Variants in C16orf89 observed in about 807,000 individuals in gnomAD.
The protein encoded by C16orf89 is UPF0764 protein C16orf89.
Under a neutral mutation model 41.5 loss-of-function variants are expected in C16orf89, and 57 were observed. The observed-to-expected ratio is 1.38, with a 90% CI of 1.11 to 1.71. C16orf89 has a LOEUF of 1.71. Ranked by LOEUF, C16orf89 falls within the 40% of genes most tolerant of loss-of-function variation. C16orf89 has a pLI of 0.00. For missense variants in C16orf89, 575 were observed against 445.9 expected (o/e 1.29, Z -2.61); for synonymous variants, 223 against 190.6 (o/e 1.17, Z -1.40).
At position 5,065,880 on chromosome 16, in the gene C16orf89, A is replaced by G. The variant is rs1257218876; in HGVS notation, c.29T>C (p.Leu10Pro). 5 of 1,614,066 alleles carry G rather than the reference A, an allele frequency of 3.1e-6. No homozygotes were observed. The highest frequency in any genetic ancestry group is 4.2e-6 in the Non-Finnish European group (5 of 1,179,986). The change falls in exon 1 of 8, where the codon CTC becomes CCC. Residue 10 changes from leucine (L) to proline (P), a missense_variant. Physicochemically the swap from Leu to Pro is moderately conservative, Grantham distance 98. Coordinates refer to ENST00000472572, the MANE Select transcript of C16orf89 (RefSeq NM_001098514.3). ...CAGCGGTGGCAGTGCTGTCAGTAAGAGCAGGAGCAGCAGCCCCAGGCTGGC... is the reference window on the plus strand; with the variant it reads ...CAGCGGTGGCAGTGCTGTCAGTAAGGGCAGGAGCAGCAGCCCCAGGCTGGC... MASLGLLLL[L>P]LLTALPPLWS...
At chr16:5,048,381 A>C (rs944551019) in intron 6 of C16orf89, among the ~76,000 whole-genome samples, 9 of 152,134 alleles carry the variant, frequency 5.9e-5, no homozygotes, top group Non-Finnish European at 1.2e-4. Flanking sequence ...TGCCCCCATA[A>C]CATTTCAAGG....
chr16:5,058,531 G>A lies in C16orf89; in HGVS notation c.589C>T (p.Leu197=), dbSNP rs763559559. 6 of 1,612,384 alleles carry A rather than the reference G, an allele frequency of 3.7e-6. No individual in the cohort carries two copies. Among genetic ancestry groups the A allele is most frequent in the Non-Finnish European group, 4.2e-6 (5 of 1,179,712 alleles). Residue 197 remains leucine (L), a synonymous_variant, in exon 4 of 8, where the codon CTG becomes TTG. Coordinates refer to ENST00000472572, the MANE Select transcript of C16orf89 (RefSeq NM_001098514.3). The part of the protein sequence containing the change: ...MTKPGCSGYC[L]SHQLLFFLWA... Reference sequence around the variant, plus strand: ...AGGAAGAAGAGCAGTTGGTGGGACAGGCAGTAGCCTGAGCAGCCGGGCTTG... The same window carrying A: ...AGGAAGAAGAGCAGTTGGTGGGACAAGCAGTAGCCTGAGCAGCCGGGCTTG...
intron 7 of C16orf89, among the ~76,000 whole-genome samples, chr16:5,045,585 C>G (rs1399003882): frequency 6.6e-6 from 1 of 152,168 alleles, no homozygotes; most frequent in East Asian, 1.9e-4. Flanking sequence ...TGCCGAATGA[C>G]TAACCCTGGC....
At chr16:5,055,651 C>T (rs1314110361) in intron 5 of C16orf89, 1 of 1,514,166 alleles carries the variant, frequency 6.6e-7, no homozygotes. Flanking sequence ...CTGTCTGCCT[C>T]ATCCATAAGG....
intron 7 of C16orf89, 50 bp from the exon 8 acceptor site, chr16:5,044,528 T>G (rs1956258769): frequency 4.4e-6 from 7 of 1,608,006 alleles, no homozygotes; most frequent in Non-Finnish European, 5.9e-6. Flanking sequence ...CCTTGGCCCT[T>G]TATTCAACAC....
At chr16:5,055,720 C>A in intron 5 of C16orf89, 1 of 1,518,946 alleles carries the variant, frequency 6.6e-7, no homozygotes. Flanking sequence ...GTCACTGGGG[C>A]AGCCTTTGGG....
chr16:5,055,961 GT>G (rs1440613145), intron 5 of C16orf89, 91 bp downstream of exon 5: 1 of 703,384 alleles, frequency 1.4e-6, no homozygotes, highest in African/African-American at 2.1e-5. Flanking sequence ...GTGTGTGTGT[GT>G]GTGTGTGTGT....
chr16:5,056,341 G>A (rs1956504072), intron 4 of C16orf89, among the ~76,000 whole-genome samples, 153 bp from the exon 5 acceptor site: 1 of 152,070 alleles, frequency 6.6e-6, no homozygotes, highest in Non-Finnish European at 1.5e-5. Flanking sequence ...CTTTTCGCAG[G>A]ATTTCTTCCC....
chr16:5,060,464 G>A, intron 2 of C16orf89, 28 bp from the exon 3 acceptor site: 1 of 1,593,796 alleles, frequency 6.3e-7, no homozygotes, highest in Non-Finnish European at 8.6e-7. Flanking sequence ...TAGATGGGGT[G>A]GGGTGTGGGG....
At chr16:5,051,605 T>C (rs991493081) in intron 6 of C16orf89, among the ~76,000 whole-genome samples, 4 of 152,108 alleles carry the variant, frequency 2.6e-5, no homozygotes, top group African/African-American at 7.2e-5. Context: ...AGAATTAATA[T>C]TGTGAAAAAT....
At chr16:5,062,601 C>A in intron 1 of C16orf89, 27 bp from the exon 2 acceptor site, 2 of 1,547,066 alleles carry the variant, frequency 1.3e-6, no homozygotes, top group South Asian at 2.4e-5. Flanking sequence ...TTAATTCATT[C>A]AACTATTTGG....
At chr16:5,064,330 GACA>G (rs1956691476) in intron 1 of C16orf89, among the ~76,000 whole-genome samples, 1 of 152,196 alleles carries the variant, frequency 6.6e-6, no homozygotes, top group African/African-American at 2.4e-5. Flanking sequence ...TGTTTAGAGA[GACA>G]CAGGTGAGGA....
intron 6 of C16orf89, among the ~76,000 whole-genome samples, chr16:5,052,271 C>G (rs1468914132): frequency 6.6e-6 from 1 of 152,118 alleles, no homozygotes; most frequent in Non-Finnish European, 1.5e-5. Context: ...GCATCTCACA[C>G]CTGTTAAAAT....
chr16:5,057,487 A>G (rs1056693486), intron 4 of C16orf89, among the ~76,000 whole-genome samples: 1 of 149,530 alleles, frequency 6.7e-6, no homozygotes, highest in Non-Finnish European at 1.5e-5. Context: ...GTGTATATAT[A>G]TATATATGCC....
chr16:5,044,190 T>C lies in C16orf89; in HGVS notation c.*158A>G, dbSNP rs8057204. 1 allele frequency: 1,386,559 copies of C among 1,386,834 alleles called. 693,142 individuals carry two copies. The highest frequency in any genetic ancestry group is 1 in the East Asian group (36,060 of 36,060). 85.9% of individuals were successfully genotyped at this position (1,386,834 alleles called of 1,614,324 possible). The stretch of plus-strand genomic sequence containing the variant: ...CTCCCGGCCCCCACCTACCCTGGCC[T>C]TGCCTACTCAGGGCTTCCAAGATTG... On this transcript the variant is annotated 3_prime_UTR_variant, in exon 8 of 8. Coordinates refer to ENST00000472572, the MANE Select transcript of C16orf89 (RefSeq NM_001098514.3).
chr16:5,050,241 G>A (rs573283330), intron 6 of C16orf89, among the ~76,000 whole-genome samples: 12 of 152,098 alleles, frequency 7.9e-5, no homozygotes, highest in East Asian at 7.7e-4. Context: ...GGTGGCGGGC[G>A]CCTGTAATTC....
chr16:5,052,747 T>G (rs1956421119), intron 6 of C16orf89, among the ~76,000 whole-genome samples: 1 of 152,128 alleles, frequency 6.6e-6, no homozygotes, highest in Admixed American at 6.6e-5. Flanking sequence ...AAAATAGGAC[T>G]ATCATATGAT....
At chr16:5,048,024 T>G (rs1956331150) in intron 6 of C16orf89, 60 bp from the exon 7 acceptor site, 2 of 911,780 alleles carry the variant, frequency 2.2e-6, no homozygotes, top group Non-Finnish European at 3.5e-6. Context: ...ACATTTTTAT[T>G]TCTTTTTACT....
chr16:5,048,227 G>T (rs541064586), intron 6 of C16orf89, among the ~76,000 whole-genome samples: 1 of 152,164 alleles, frequency 6.6e-6, no homozygotes, highest in African/African-American at 2.4e-5. Context: ...TAGAGATGGG[G>T]TCTTGCTATG....
Sources: allele counts gnomAD v4.1 joint callset (sites outside exome capture counted in the v4.1 genomes callset), GRCh38; gene constraint gnomAD v4.1.1; transcripts MANE v1.5; gene names NCBI Gene and HGNC (gene_info 2026-07-23, HGNC 2026-07-21).